The following KLHL20 variants were observed in gnomAD, a reference collection of about 807,000 sequenced individuals.
KLHL20 encodes the protein kelch like family member 20, also known as kelch-like protein 20.
A neutral mutation model predicts 69.5 loss-of-function variants in KLHL20; 29 were observed. The ratio of observed to expected loss-of-function variants is 0.42; its 90% confidence interval spans 0.31 to 0.57. KLHL20 has a LOEUF of 0.57. Ranked by LOEUF, KLHL20 falls within the 20% of genes least tolerant of loss-of-function variation. The pLI is 0.18. For synonymous variants in KLHL20, 253 were observed against 265.2 expected (o/e 0.95, Z 0.45); for missense variants, 419 against 776.0 (o/e 0.54, Z 5.47).
chr1:173,720,628 A>G (rs775715258), intron 2 of KLHL20, among the ~76,000 whole-genome samples: 1 of 152,224 alleles, frequency 6.6e-6, no homozygotes, highest in Non-Finnish European at 1.5e-5. Context: ...GTGGTAGTTT[A>G]GATGAAAGAT....
chr1:173,782,620 T>C (rs1432983388), intron 11 of KLHL20, among the ~76,000 whole-genome samples: 1 of 152,096 alleles, frequency 6.6e-6, no homozygotes, highest in Non-Finnish European at 1.5e-5. Flanking sequence ...GGTGTTCTTG[T>C]GGGAAACCTA....
chr1:173,769,558 G>A (rs1026725177), intron 8 of KLHL20, among the ~76,000 whole-genome samples: 1 of 152,142 alleles, frequency 6.6e-6, no homozygotes, highest in Non-Finnish European at 1.5e-5. Context: ...GGAGGCCTAG[G>A]TGGGAGGATT....
chr1:173,756,514 G>A (rs1293639209), intron 6 of KLHL20, among the ~76,000 whole-genome samples: 4 of 152,122 alleles, frequency 2.6e-5, no homozygotes, highest in Admixed American at 2.6e-4. Flanking sequence ...CTGGGGAACA[G>A]AACAAGATCC....
At chr1:173,774,164 T>C in intron 8 of KLHL20, 141 bp from the exon 9 acceptor site, 1 of 961,540 alleles carries the variant, frequency 1.0e-6, no homozygotes, top group Middle Eastern at 2.5e-4. Context: ...TTCTAATGAC[T>C]AAGTAAAATG....
At chr1:173,740,361 C>T (rs1672747440) in intron 3 of KLHL20, among the ~76,000 whole-genome samples, 2 of 151,650 alleles carry the variant, frequency 1.3e-5, no homozygotes, top group South Asian at 2.1e-4. Context: ...CCACCCGCCT[C>T]GGCCTCCCAA....
chr1:173,746,000 C>T (rs528495049), intron 3 of KLHL20, among the ~76,000 whole-genome samples: 1 of 151,954 alleles, frequency 6.6e-6, no homozygotes, highest in South Asian at 2.1e-4. Context: ...AATTCCTATT[C>T]TCTTGAATAC....
chr1:173,720,463 A>T (rs917514947), intron 2 of KLHL20, among the ~76,000 whole-genome samples: 4 of 152,200 alleles, frequency 2.6e-5, no homozygotes, highest in Admixed American at 1.3e-4. Flanking sequence ...AGGCTACAAC[A>T]GTGGGAAAGA....
intron 2 of KLHL20, among the ~76,000 whole-genome samples, chr1:173,728,917 CA>C (rs1216978510): frequency 6.6e-6 from 1 of 152,044 alleles, no homozygotes; most frequent in Non-Finnish European, 1.5e-5. Flanking sequence ...AAAACCCCTT[CA>C]AAAAATCAAT....
chr1:173,774,495 G>A, intron 9 of KLHL20, 57 bp downstream of exon 9: 1 of 1,592,574 alleles, frequency 6.3e-7, no homozygotes, highest in Middle Eastern at 1.8e-4. Flanking sequence ...TTCCTGGAGA[G>A]TCCTCCTACA....
At chr1:173,718,819 T>C (rs938701565) in intron 2 of KLHL20, among the ~76,000 whole-genome samples, 1 of 152,136 alleles carries the variant, frequency 6.6e-6, no homozygotes, top group African/African-American at 2.4e-5. Context: ...AAAAATTATT[T>C]TGTGGCTGGG....
intron 2 of KLHL20, among the ~76,000 whole-genome samples, chr1:173,728,821 GA>G (rs1295033082): frequency 1.3e-5 from 2 of 152,118 alleles, no homozygotes; most frequent in African/African-American, 4.8e-5. Flanking sequence ...AAAAGAACTA[GA>G]GAAGCAAGAG....
chr1:173,770,891 T>C (rs1648049071), intron 8 of KLHL20, among the ~76,000 whole-genome samples: 1 of 152,152 alleles, frequency 6.6e-6, no homozygotes. Context: ...AAGAATACGC[T>C]ATATCCTTCG....
chr1:173,778,084 A>G (rs558855569), intron 10 of KLHL20, among the ~76,000 whole-genome samples: 1 of 151,300 alleles, frequency 6.6e-6, no homozygotes, highest in East Asian at 1.9e-4. Flanking sequence ...TTTTTATTAT[A>G]CTTTAAGTTC....
chr1:173,764,129 C>T (rs555556260), intron 7 of KLHL20, among the ~76,000 whole-genome samples: 3 of 152,264 alleles, frequency 2.0e-5, no homozygotes, highest in African/African-American at 7.2e-5. Flanking sequence ...AAAAAATGCT[C>T]AACATCACAA....
chr1:173,780,997 G>C (rs975432892), intron 10 of KLHL20, among the ~76,000 whole-genome samples: 6 of 143,924 alleles, frequency 4.2e-5, no homozygotes, highest in African/African-American at 1.5e-4. Flanking sequence ...GTGAGTGAGA[G>C]AGAGAGAGGG....
At chr1:173,769,324 G>A (rs1647935707) in intron 8 of KLHL20, among the ~76,000 whole-genome samples, 3 of 152,140 alleles carry the variant, frequency 2.0e-5, no homozygotes, top group African/African-American at 7.2e-5. Flanking sequence ...AACCAGCTGA[G>A]TTAGAGCCAT....
intron 8 of KLHL20, among the ~76,000 whole-genome samples, chr1:173,766,851 T>G (rs1051255518): frequency 5.3e-5 from 8 of 152,174 alleles, no homozygotes; most frequent in Non-Finnish European, 1.0e-4. Flanking sequence ...GAAATATGTA[T>G]AGGTTGCGGA....
intron 2 of KLHL20, among the ~76,000 whole-genome samples, chr1:173,725,708 T>C (rs1475305568): frequency 1.3e-5 from 2 of 152,258 alleles, no homozygotes; most frequent in African/African-American, 4.8e-5. Context: ...CTACAGTTTA[T>C]GTATACTAGC....
chr1:173,771,302 G>A (rs922248550), intron 8 of KLHL20, among the ~76,000 whole-genome samples: 2 of 152,116 alleles, frequency 1.3e-5, no homozygotes, highest in Non-Finnish European at 2.9e-5. Context: ...ACTTTGGTAA[G>A]CCAAGGTGGG....
Sources: allele counts gnomAD v4.1 joint callset (sites outside exome capture counted in the v4.1 genomes callset), GRCh38; gene constraint gnomAD v4.1.1; transcripts MANE v1.5; gene names NCBI Gene and HGNC (gene_info 2026-07-23, HGNC 2026-07-21).